The following ARHGAP26 variants were observed in gnomAD, a reference collection of about 807,000 sequenced individuals.
The protein encoded by ARHGAP26 is rho GTPase-activating protein 26.
In ARHGAP26, 38 loss-of-function variants were observed where a neutral mutation model predicts 104.8. The observed-to-expected ratio is 0.36, with a 90% CI of 0.28 to 0.48. ARHGAP26 has a LOEUF of 0.48. Among genes scored for constraint, ARHGAP26 ranks in the 20% least tolerant of loss-of-function variants. The probability of loss-of-function intolerance (pLI) is 0.99; values close to 1 mark genes in which losing one functional copy is unlikely to be tolerated. For synonymous variants in ARHGAP26, 341 were observed against 340.0 expected (o/e 1.00, Z -0.03); for missense variants, 704 against 947.9 (o/e 0.74, Z 3.38).
Position 143,162,037 on chromosome 5 carries a change from A to G in ARHGAP26, c.1988+14656A>G, listed in dbSNP as rs539484089. Among the ~76,000 whole-genome samples, 8 of 152,294 alleles carry G rather than the reference A, an allele frequency of 5.3e-5. No homozygotes were observed. The South Asian group carries it at 1.2e-3, about 24-fold the overall frequency. The stretch of plus-strand genomic sequence containing the variant: ...TCACAGACAAAGATGAGTAAAGCCC[A>G]CTAACTCCAGCACTTTGACTTGCGC... On this transcript the variant is annotated intron_variant, in intron 20 of 22. Transcript: ENST00000645722.
At chr5:142,974,590 G>T (rs1025684688) in intron 11 of ARHGAP26, among the ~76,000 whole-genome samples, 1 of 152,182 alleles carries the variant, frequency 6.6e-6, no homozygotes, top group Non-Finnish European at 1.5e-5. Context: ...TAAAGTGTTT[G>T]TGGTTCTCAT....
intron 11 of ARHGAP26, among the ~76,000 whole-genome samples, chr5:142,949,762 C>T (rs919555033): frequency 2.0e-5 from 3 of 152,108 alleles, no homozygotes; most frequent in African/African-American, 7.2e-5. Context: ...GCTTCTCACT[C>T]TAGGATCCAT....
At chr5:143,198,237 G>A (rs1807168932) in intron 20 of ARHGAP26, among the ~76,000 whole-genome samples, 1 of 152,200 alleles carries the variant, frequency 6.6e-6, no homozygotes, top group South Asian at 2.1e-4. Context: ...GCCTAGTAAG[G>A]AAGTATTGGG....
intron 1 of ARHGAP26, among the ~76,000 whole-genome samples, chr5:142,830,233 G>C (rs1768130665): frequency 6.6e-6 from 1 of 152,164 alleles, no homozygotes; most frequent in African/African-American, 2.4e-5. Context: ...GCTCAGGATT[G>C]CTAGCATTTG....
intron 11 of ARHGAP26, among the ~76,000 whole-genome samples, chr5:142,939,834 A>G (rs1172534521): frequency 6.6e-6 from 1 of 152,220 alleles, no homozygotes; most frequent in Non-Finnish European, 1.5e-5. Flanking sequence ...ATCAACCTAT[A>G]TGTAAATGCC....
At chr5:143,126,384 T>C (rs1796733375) in intron 18 of ARHGAP26, among the ~76,000 whole-genome samples, 1 of 152,184 alleles carries the variant, frequency 6.6e-6, no homozygotes, top group Non-Finnish European at 1.5e-5. Flanking sequence ...AGGAAAAGGT[T>C]TTGAACTGAC....
chr5:142,861,449 G>A (rs1753328100), intron 1 of ARHGAP26, among the ~76,000 whole-genome samples: 1 of 151,662 alleles, frequency 6.6e-6, no homozygotes, highest in Non-Finnish European at 1.5e-5. Flanking sequence ...ATGCTTAGGA[G>A]TTGCCACCTT....
At chr5:142,813,701 A>G (rs537930751) in intron 1 of ARHGAP26, among the ~76,000 whole-genome samples, 1 of 152,080 alleles carries the variant, frequency 6.6e-6, no homozygotes, top group Non-Finnish European at 1.5e-5. Context: ...CTTTTCTTAT[A>G]AGGTCACCAT....
intron 22 of ARHGAP26, 64 bp from the exon 23 acceptor site, chr5:143,222,294 A>G: frequency 8.4e-7 from 1 of 1,187,536 alleles, no homozygotes; most frequent in Non-Finnish European, 1.2e-6. Flanking sequence ...CCCCACACAC[A>G]CATCTGCCGC....
chr5:142,963,172 G>GTATATATATATATATA (rs58576577), intron 11 of ARHGAP26, among the ~76,000 whole-genome samples: 27 of 88,986 alleles, frequency 3.0e-4, no homozygotes, highest in African/African-American at 5.2e-4. Context: ...TGGTATATAT[G>GTATATATATATATATA]TATATATATA....
chr5:143,183,600 T>A (rs1804711991), intron 20 of ARHGAP26, among the ~76,000 whole-genome samples: 2 of 152,172 alleles, frequency 1.3e-5, no homozygotes, highest in African/African-American at 4.8e-5. Context: ...CTTGAGCTCT[T>A]CCCTGCCCAC....
At chr5:143,070,764 G>A (rs1045282300) in intron 17 of ARHGAP26, among the ~76,000 whole-genome samples, 6 of 152,076 alleles carry the variant, frequency 3.9e-5, no homozygotes, top group Non-Finnish European at 7.4e-5. Flanking sequence ...ACAAAAATTA[G>A]CCGGGCATGG....
intron 20 of ARHGAP26, among the ~76,000 whole-genome samples, chr5:143,192,157 G>A (rs959483114): frequency 2.0e-5 from 3 of 152,198 alleles, no homozygotes; most frequent in Admixed American, 6.5e-5. Context: ...GCATCAAGAC[G>A]GGAAGAAAAA....
intron 20 of ARHGAP26, among the ~76,000 whole-genome samples, chr5:143,176,607 G>C (rs573028790): frequency 3.3e-5 from 5 of 152,212 alleles, no homozygotes; most frequent in African/African-American, 1.2e-4. Context: ...ATTTACCTTC[G>C]CCCCAGGGTA....
chr5:143,177,551 G>A (rs1275382201), intron 20 of ARHGAP26, among the ~76,000 whole-genome samples: 1 of 152,198 alleles, frequency 6.6e-6, no homozygotes, highest in Non-Finnish European at 1.5e-5. Flanking sequence ...TTGGAGACAA[G>A]GTGCTGTCGG....
rs560169751 is a variant in ARHGAP26, at chr5:142,850,089, T to C, written c.155-23311T>C. ...CTCTGCTCTGCTGCCTCCTGCAGCCTCATGCCCTCATTGTGTTCCCTAGGC... is the reference window on the plus strand; with the variant it reads ...CTCTGCTCTGCTGCCTCCTGCAGCCCCATGCCCTCATTGTGTTCCCTAGGC... On this transcript the variant is annotated intron_variant, in intron 1 of 22. Coordinates refer to ENST00000645722, the MANE Select transcript of ARHGAP26 (RefSeq NM_001135608.3). Among the ~76,000 whole-genome samples, 4 of 152,348 alleles carry C rather than the reference T, an allele frequency of 2.6e-5. No homozygotes were observed. The East Asian group carries it at 7.7e-4, about 29-fold the overall frequency.
intron 17 of ARHGAP26, chr5:143,103,236 G>A (rs1443156265): frequency 2.0e-6 from 2 of 985,104 alleles, no homozygotes; most frequent in Non-Finnish European, 2.4e-6. Flanking sequence ...GTAGACATGG[G>A]AAAAAGTTCA....
intron 1 of ARHGAP26, among the ~76,000 whole-genome samples, chr5:142,867,620 AC>A (rs1754549671): frequency 6.6e-6 from 1 of 152,066 alleles, no homozygotes; most frequent in South Asian, 2.1e-4. Flanking sequence ...CTAAGAGAGG[AC>A]AGTTGGTTGT....
chr5:143,058,518 G>A lies in ARHGAP26; in HGVS notation c.1538+771G>A, dbSNP rs540697996. On this transcript the variant is annotated intron_variant, in intron 17 of 22. Coordinates refer to ENST00000645722, the MANE Select transcript of ARHGAP26 (RefSeq NM_001135608.3). ...ACTTGTGTGTGTGTTCTAACCTTCC[G>A]TTGACTTTGATGGTATGTTCTTGAT... Among the ~76,000 whole-genome samples the A allele has an allele frequency of 3.6e-4, 55 of 152,334 alleles. 1 individual carries two copies. The highest frequency in any genetic ancestry group is 1.3e-3 in the African/African-American group (53 of 41,566).
Sources: allele counts gnomAD v4.1 joint callset (sites outside exome capture counted in the v4.1 genomes callset), GRCh38; gene constraint gnomAD v4.1.1; transcripts MANE v1.5; gene names NCBI Gene and HGNC (gene_info 2026-07-23, HGNC 2026-07-21).